The following TMEM140 variants were observed in gnomAD, a reference collection of about 807,000 sequenced individuals.
TMEM140 encodes the protein transmembrane protein 140.
For synonymous variants in TMEM140, 107 were observed against 106.8 expected (o/e 1.00, Z -0.01); for missense variants, 236 against 228.5 (o/e 1.03, Z -0.21).
intron 1 of TMEM140, among the ~76,000 whole-genome samples, chr7:135,160,799 C>G (rs761621458): frequency 2.0e-5 from 3 of 151,736 alleles, no homozygotes; most frequent in African/African-American, 7.3e-5. Context: ...GAAGACTGTT[C>G]CTCAGAGACA....
intron 1 of TMEM140, among the ~76,000 whole-genome samples, chr7:135,158,712 T>C (rs1370264088): frequency 6.7e-6 from 1 of 150,076 alleles, no homozygotes; most frequent in Non-Finnish European, 1.5e-5. Context: ...GAAAAGAAGC[T>C]GTGGGGAGGG....
chr7:135,149,280 C>A (rs1829615072), intron 1 of TMEM140, among the ~76,000 whole-genome samples: 2 of 152,106 alleles, frequency 1.3e-5, no homozygotes, highest in Admixed American at 1.3e-4. Context: ...AGAGCTACCA[C>A]AGCTAACATT....
rs996023342 is a variant in TMEM140 at position 135,157,149 on chromosome 7, CAT to C, written c.-24-7268_-24-7267del. Among the ~76,000 whole-genome samples the C allele has an allele frequency of 4.8e-4, 73 of 152,338 alleles. 1 individual carries two copies. Among genetic ancestry groups the C allele is most frequent in the African/African-American group, 1.7e-3 (70 of 41,576 alleles). ...ATGGTGTCATGTTTCTCTGCTTTTA[CAT>C]GTTTCCTGTATCCTTCCATTGATTT... On this transcript the variant is annotated intron_variant, in intron 1 of 1. Coordinates refer to ENST00000275767, the MANE Select transcript of TMEM140 (RefSeq NM_018295.5).
chr7:135,165,013 T>A lies in TMEM140; in HGVS notation c.*14T>A. On this transcript the variant is annotated 3_prime_UTR_variant, in exon 2 of 2. Transcript: ENST00000275767. ...GAGAGCTGCTAAAGGCTTACGTGAT[T>A]GCAAGGGTTCAGTTCCAACCATGGT... is the stretch of plus-strand genomic sequence containing the variant. The A allele has an allele frequency of 6.4e-7, 1 of 1,560,426 alleles. No homozygotes were observed. Among genetic ancestry groups the A allele is most frequent in the Non-Finnish European group, 8.7e-7 (1 of 1,150,878 alleles).
chr7:135,153,158 A>G (rs953390080), intron 1 of TMEM140: 9 of 152,230 alleles, frequency 5.9e-5, no homozygotes, highest in African/African-American at 2.2e-4. Context: ...CAGAATGACC[A>G]TTATTAAAAA....
intron 1 of TMEM140, among the ~76,000 whole-genome samples, chr7:135,152,549 A>C (rs534261033): frequency 6.6e-6 from 1 of 152,378 alleles, no homozygotes; most frequent in East Asian, 1.9e-4. Context: ...AATTAATAAG[A>C]CAATACCTGT....
At position 135,161,237 on chromosome 7, in the gene TMEM140, G is replaced by A. The variant is rs754574370; in HGVS notation, c.-24-3181G>A. On this transcript the variant is annotated intron_variant, in intron 1 of 1. Coordinates refer to ENST00000275767, the MANE Select transcript of TMEM140 (RefSeq NM_018295.5). The surrounding 1 kb of genome is among the most constrained non-coding windows in gnomAD (Gnocchi z 4.1). ...GAGGAAGTCAAAACAAAGGCTCCTG[G>A]CGTCTGGCAGGAGCTGCCGCAAGGT... Among the ~76,000 whole-genome samples the A allele has an allele frequency of 2.0e-5, 3 of 152,210 alleles. No homozygotes were observed. Among genetic ancestry groups the A allele is most frequent in the Non-Finnish European group, 4.4e-5 (3 of 68,044 alleles).
chr7:135,158,069 G>C (rs1479255080), intron 1 of TMEM140, among the ~76,000 whole-genome samples: 1 of 152,024 alleles, frequency 6.6e-6, no homozygotes, highest in Non-Finnish European at 1.5e-5. Flanking sequence ...GTTTCTCCTT[G>C]ACTGGGCAGC....
At chr7:135,155,270 T>C (rs1184971822) in intron 1 of TMEM140, among the ~76,000 whole-genome samples, 2 of 152,238 alleles carry the variant, frequency 1.3e-5, no homozygotes, top group Non-Finnish European at 2.9e-5. Flanking sequence ...GATCATGTTT[T>C]TTCATCCACT....
chr7:135,164,821 T>C lies in TMEM140; in HGVS notation c.380T>C (p.Leu127Pro), dbSNP rs781284369. Residue 127 changes from leucine (L) to proline (P), a missense_variant, in exon 2 of 2, where the codon CTG (leucine) becomes CCG (proline). Leu to Pro is a moderately conservative substitution (Grantham distance 98). Transcript: ENST00000275767. ...VGFLAVSSVL[L>P]AGGLGLFLSY... ...TTCCTGGCTGTGTCCTCTGTGCTGC[T>C]GGCAGGCGGCCTGGGCCTCTTCCTC... 28 of 1,613,984 alleles carry C rather than the reference T, an allele frequency of 1.7e-5. No homozygotes were observed. The highest frequency in any genetic ancestry group is 2.0e-5 in the Non-Finnish European group (24 of 1,179,938).
In TMEM140 at chr7:135,164,469, G is replaced by C; in HGVS notation, c.28G>C (p.Asp10His). 1 of 1,598,046 alleles carries C rather than the reference G, an allele frequency of 6.3e-7. No individual in the cohort carries two copies. The highest frequency in any genetic ancestry group is 8.6e-7 in the Non-Finnish European group (1 of 1,166,452). The change falls in exon 2 of 2, where the codon GAC (aspartate) becomes CAC (histidine). Residue 10 changes from aspartate (D) to histidine (H), a missense_variant. Asp to His is a moderately conservative substitution (Grantham distance 81). Transcript: ENST00000275767. ...GGCCGGCCCAAGGCCTCGGTGGCGC[G>C]ACCAGCTGCTGTTCATGAGCATCAT... Reference protein sequence around the residue: MAGPRPRWRDQLLFMSIIVL... With the variant: MAGPRPRWRHQLLFMSIIVL...
intron 1 of TMEM140, among the ~76,000 whole-genome samples, chr7:135,155,864 T>G (rs1413580211): frequency 1.3e-5 from 2 of 152,186 alleles, no homozygotes; most frequent in Non-Finnish European, 2.9e-5. Context: ...AATAATTAAT[T>G]AAAAACACCA....
At position 135,161,185 on chromosome 7, in the gene TMEM140, A is replaced by C. The variant is rs1829927350; in HGVS notation, c.-24-3233A>C. Among the ~76,000 whole-genome samples, 1 of 152,164 alleles carries C rather than the reference A, an allele frequency of 6.6e-6. No homozygotes were observed. The highest frequency in any genetic ancestry group is 2.4e-5 in the African/African-American group (1 of 41,444). On this transcript the variant is annotated intron_variant, in intron 1 of 1. Transcript: ENST00000275767. This position sits in a 1 kb window ranked among gnomAD's most constrained non-coding sequence, Gnocchi z 4.1. ...TTCTTGGCTCGTTTTGTTTTGCTCTACATTAAAAGGTCAGTTGAGAGAAAA... is the reference window on the plus strand; with the variant it reads ...TTCTTGGCTCGTTTTGTTTTGCTCTCCATTAAAAGGTCAGTTGAGAGAAAA...
Position 135,164,776 on chromosome 7 carries a change from C to T in TMEM140, c.335C>T (p.Ala112Val), listed in dbSNP as rs292502. The T allele has an allele frequency of 4.7e-5, 76 of 1,614,198 alleles. No individual in the cohort carries two copies. The highest frequency in any genetic ancestry group is 8.3e-5 in the Admixed American group (5 of 60,028). The change falls in exon 2 of 2, where the codon GCG becomes GTG. Residue 112 changes from alanine (A) to valine (V), a missense_variant. Coordinates refer to ENST00000275767, the MANE Select transcript of TMEM140 (RefSeq NM_018295.5). ...GCCCAGTGCAACAGTGATGAGAGAG[C>T]GTGGCGGCTGGCAGTGGGCTTCCTG... ...LLAQCNSDER[A>V]WRLAVGFLAV...
At chr7:135,157,164 C>T (rs1439305596) in intron 1 of TMEM140, among the ~76,000 whole-genome samples, 1 of 152,166 alleles carries the variant, frequency 6.6e-6, no homozygotes, top group Non-Finnish European at 1.5e-5. Flanking sequence ...TTCCTGTATC[C>T]TTCCATTGAT....
intron 1 of TMEM140, among the ~76,000 whole-genome samples, chr7:135,155,660 G>A (rs1360136310): frequency 1.3e-5 from 2 of 152,174 alleles, no homozygotes; most frequent in African/African-American, 4.8e-5. Flanking sequence ...AGACCAACCG[G>A]GGCAAAATAG....
chr7:135,164,389 A>G (rs1258206330), intron 1 of TMEM140, 29 bp from the exon 2 acceptor site: 1 of 1,526,294 alleles, frequency 6.6e-7, no homozygotes, highest in Non-Finnish European at 9.0e-7. Flanking sequence ...CAAGGGAGAG[A>G]TGGACTGACT....
rs1285018225 is a variant in TMEM140 at position 135,164,649 on chromosome 7, C to G, written c.208C>G (p.Leu70Val). ...CCTACAGTGTCACCAGTTCCCTGAG[C>G]TGGAAGCCCTGGGGGTGCCTCGGGT... ...STLQCHQFPE[L>V]EALGVPRVGL... is the part of the protein sequence containing the mutation. The change falls in exon 2 of 2, where the codon CTG (leucine) becomes GTG (valine). Residue 70 changes from leucine to valine, a missense_variant. By Grantham distance (32) the Leu-to-Val change is conservative. Coordinates refer to ENST00000275767, the MANE Select transcript of TMEM140 (RefSeq NM_018295.5). 6.2e-7 allele frequency: 1 copy of G among 1,613,192 alleles called. No homozygotes were observed. Among genetic ancestry groups the G allele is most frequent in the East Asian group, 2.2e-5 (1 of 44,826 alleles).
intron 1 of TMEM140, among the ~76,000 whole-genome samples, chr7:135,154,056 C>T (rs1829727602): frequency 6.6e-6 from 1 of 152,090 alleles, no homozygotes. Context: ...CTGGTTCAAT[C>T]TTGGGGGATT....
Sources: allele counts gnomAD v4.1 joint callset (sites outside exome capture counted in the v4.1 genomes callset), GRCh38; gene constraint gnomAD v4.1.1; non-coding constraint Gnocchi (gnomAD v3.1); transcripts MANE v1.5; gene names NCBI Gene and HGNC (gene_info 2026-07-23, HGNC 2026-07-21).